CSF2RA: variants seen among roughly 807,000 people sequenced by gnomAD.
CSF2RA encodes the protein granulocyte-macrophage colony-stimulating factor receptor subunit alpha.
CSF2RA carries 42 observed loss-of-function variants against 51.6 expected under a neutral mutation model. The ratio of observed to expected loss-of-function variants is 0.81; its 90% CI spans 0.64 to 1.05. The LOEUF is 1.05. Ranked by LOEUF, CSF2RA falls within the 50% of genes least tolerant of loss-of-function variation. CSF2RA has a pLI of 0.00. For synonymous variants in CSF2RA, 222 were observed against 193.0 expected (o/e 1.15, Z -1.24); for missense variants, 530 against 501.1 (o/e 1.06, Z -0.55).
chrX:1,314,509 G>GCACTGCACCTGCCCAATCC (rs1288303281), downstream of CSF2RA, among the ~76,000 whole-genome samples: 9 of 83,002 alleles, frequency 1.1e-4, no homozygotes, highest in African/African-American at 4.9e-4. Context: ...CTGCCCAACC[G>GCACTGCACCTGCCCAATCC]CACTGCACCT....
At chrX:1,296,311 T>C (rs1354477896) in intron 9 of CSF2RA, among the ~76,000 whole-genome samples, 1 of 133,600 alleles carries the variant, frequency 7.5e-6, no homozygotes. Flanking sequence ...AGTCCCCTAC[T>C]CACGACCCCT....
At chrX:1,295,794 G>A (rs1349158433) in intron 9 of CSF2RA, among the ~76,000 whole-genome samples, 3 of 149,168 alleles carry the variant, frequency 2.0e-5, no homozygotes, top group Non-Finnish European at 4.5e-5. Context: ...CCTGGACCCC[G>A]TGTAGACAGG....
In CSF2RA at chrX:1,294,503, G is replaced by A. The variant is rs371779209; in HGVS notation, c.780+42G>A. ...CGGGGCTGGGCACCAGGAGGGAGGC[G>A]TACGGGACACGCCCGCACAGGAGCC... On this transcript the variant is annotated intron_variant, in intron 8 of 12. Transcript: ENST00000381529. The A allele has an allele frequency of 5.4e-5, 87 of 1,612,854 alleles. 2 individuals carry two copies. In the Middle Eastern group the frequency reaches 4.1e-3, roughly 75 times the overall value.
At chrX:1,325,000 C>A in the CSF2RA span, among the ~76,000 whole-genome samples, 3 of 151,950 alleles carry the variant, frequency 2.0e-5, no homozygotes, top group African/African-American at 7.3e-5. Flanking sequence ...AACTGGCCAC[C>A]GACACCAGGT....
At chrX:1,313,906 G>C (rs1294949909), downstream of CSF2RA, among the ~76,000 whole-genome samples, 1 of 151,638 alleles carries the variant, frequency 6.6e-6, no homozygotes, top group Non-Finnish European at 1.5e-5. Context: ...CAGGAGAACC[G>C]CTTGAACCTG....
chrX:1,270,603 C>A lies in CSF2RA; in HGVS notation c.-91+1724C>A, dbSNP rs554448197. ...ATGAAAGCTTTTGTTCTGAAGATATCAACACATCAGGAGGTTTCTGTGTCT... is the reference window on the plus strand; with the variant it reads ...ATGAAAGCTTTTGTTCTGAAGATATAAACACATCAGGAGGTTTCTGTGTCT... On this transcript the variant is annotated intron_variant, in intron 1 of 12. Coordinates refer to ENST00000381529, the MANE Select transcript of CSF2RA (RefSeq NM_172245.4). 3.3e-5 allele frequency among the ~76,000 whole-genome samples: 5 copies of A among 150,920 alleles called. No homozygotes were observed. The South Asian group carries it at 1.0e-3, about 31-fold the overall frequency.
intron 1 of CSF2RA, among the ~76,000 whole-genome samples, chrX:1,269,641 A>G (rs1407094086): frequency 5.2e-5 from 4 of 77,276 alleles, no homozygotes; most frequent in Admixed American, 1.3e-4. Flanking sequence ...GAAAAAGAAA[A>G]AAAAAGAGAT....
intron 4 of CSF2RA, among the ~76,000 whole-genome samples, chrX:1,286,335 G>A (rs1344426764): frequency 1.3e-5 from 2 of 151,592 alleles, no homozygotes; most frequent in African/African-American, 4.8e-5. Flanking sequence ...CTGGGAGGCC[G>A]AGGCAGGTGG....
chrX:1,306,295 AAG>A (rs1216042727), intron 12 of CSF2RA, among the ~76,000 whole-genome samples: 2 of 151,880 alleles, frequency 1.3e-5, no homozygotes, highest in East Asian at 3.9e-4. Context: ...GGGAGAAGGA[AAG>A]AGAGAGACAC....
intron 2 of CSF2RA, chrX:1,282,350 A>G: frequency 2.8e-6 from 1 of 360,864 alleles, no homozygotes; most frequent in Non-Finnish European, 5.1e-6. Flanking sequence ...AGTGACTGCA[A>G]TTTCCTTGAA....
intron 2 of CSF2RA, among the ~76,000 whole-genome samples, chrX:1,275,936 G>T (rs1368088163): frequency 4.6e-5 from 7 of 151,906 alleles, no homozygotes; most frequent in Non-Finnish European, 8.8e-5. Flanking sequence ...CACATGATCT[G>T]CTCACCTCGG....
chrX:1,305,251 T>A lies in CSF2RA; in HGVS notation c.1044-195T>A, dbSNP rs371793762. Among the ~76,000 whole-genome samples the A allele has an allele frequency of 4.1e-4, 63 of 152,244 alleles. 1 individual carries two copies. The highest frequency in any genetic ancestry group is 1.5e-3 in the African/African-American group (61 of 41,554). On this transcript the variant is annotated intron_variant, in intron 11 of 12. Coordinates refer to ENST00000381529, the MANE Select transcript of CSF2RA (RefSeq NM_172245.4). The stretch of plus-strand genomic sequence containing the variant: ...ATCCACCCGCCTCGGCCTCCCAAAG[T>A]GCTGGGATTACAGGTGTGAGCCACT...
rs193095563 is a variant in CSF2RA, at chrX:1,289,950, T to C, written c.474-387T>C. On this transcript the variant is annotated intron_variant, in intron 6 of 12. Transcript: ENST00000381529. The stretch of plus-strand genomic sequence containing the variant: ...TTGTTTTGTTTTGTGTTTTTGTGTT[T>C]TGTTTTGTGTTTGTTTTTGTTTTGT... Among the ~76,000 whole-genome samples the C allele has an allele frequency of 4.3e-3, 647 of 151,484 alleles. 3 individuals carry two copies. The highest frequency in any genetic ancestry group is 0.014 in the African/African-American group (597 of 41,304).
chrX:1,276,630 T>G (rs1261377863), intron 2 of CSF2RA, among the ~76,000 whole-genome samples: 1 of 152,070 alleles, frequency 6.6e-6, no homozygotes, highest in African/African-American at 2.4e-5. Flanking sequence ...CACCTGAGCC[T>G]CTCAAAGTGC....
At chrX:1,318,318 C>T in the CSF2RA span, among the ~76,000 whole-genome samples, 583 of 152,018 alleles carry the variant, frequency 3.8e-3, 3 homozygotes, top group African/African-American at 0.014. Flanking sequence ...CATACGCCAC[C>T]ACACCCAGCT....
intron 12 of CSF2RA, among the ~76,000 whole-genome samples, chrX:1,308,848 C>T (rs1241923700): frequency 1.3e-5 from 2 of 152,184 alleles, no homozygotes; most frequent in Non-Finnish European, 2.9e-5. Context: ...GCCCAGGTTT[C>T]ATGCTCACAA....
chrX:1,322,450 T>G, the CSF2RA span, among the ~76,000 whole-genome samples: 17 of 149,882 alleles, frequency 1.1e-4, 1 homozygote, highest in African/African-American at 3.7e-4. Context: ...TTTTTTTTTT[T>G]TTTTTTTTTG....
At chrX:1,321,051 T>C in the CSF2RA span, among the ~76,000 whole-genome samples, 189 of 151,266 alleles carry the variant, frequency 1.2e-3, no homozygotes, top group South Asian at 2.3e-3. Flanking sequence ...ACCATGTCAG[T>C]CAGGCTGGTC....
chrX:1,295,537 C>T (rs2091857381), intron 9 of CSF2RA, 81 bp downstream of exon 9: 6 of 1,139,210 alleles, frequency 5.3e-6, no homozygotes, highest in African/African-American at 1.6e-5. Context: ...TGTAACTCTA[C>T]AGTCCCCTAC....
Sources: gnomAD v4.1 joint callset for allele counts (sites outside exome capture counted in the v4.1 genomes callset) on GRCh38, gnomAD v4.1.1 for gene constraint, MANE v1.5 for transcripts, NCBI Gene and HGNC (gene_info 2026-07-23, HGNC 2026-07-21) for gene names.